Variants in SCCPDH observed in about 807,000 individuals in gnomAD.
The protein encoded by SCCPDH is saccharopine dehydrogenase-like oxidoreductase.
In SCCPDH, 34 loss-of-function variants were observed where a neutral mutation model predicts 51.5. That is an observed-to-expected ratio of 0.66 (90% CI 0.50 to 0.88). The LOEUF is 0.88. Among genes scored for constraint, SCCPDH ranks in the 40% least tolerant of loss-of-function variants. The pLI is 0.00. For synonymous variants in SCCPDH, 187 were observed against 191.3 expected (o/e 0.98, Z 0.19); for missense variants, 464 against 527.1 (o/e 0.88, Z 1.17).
In SCCPDH at chr1:246,766,105, A is replaced by C. The variant is rs1669083841; in HGVS notation, c.1150A>C (p.Thr384Pro). 1 of 1,613,434 alleles carries C rather than the reference A, an allele frequency of 6.2e-7. No individual in the cohort carries two copies. Among genetic ancestry groups the C allele is most frequent in the South Asian group, 1.1e-5 (1 of 90,998 alleles). Residue 384 changes from threonine (T) to proline (P), a missense_variant, in exon 11 of 12, where the codon ACT becomes CCT. Transcript: ENST00000366510. ...CATAGCTATGGTTCAGGCAGCCATG[A>C]CTCTTCTAAGTGATGCTTCTCATCT... is the stretch of plus-strand genomic sequence containing the variant. Reference protein sequence around the residue: ...TPIAMVQAAMTLLSDASHLPK... With the variant: ...TPIAMVQAAMPLLSDASHLPK...
At chr1:246,728,809 A>G (rs1668440728) in intron 2 of SCCPDH, among the ~76,000 whole-genome samples, 1 of 152,202 alleles carries the variant, frequency 6.6e-6, no homozygotes, top group Non-Finnish European at 1.5e-5. Flanking sequence ...AGTCTGCCAT[A>G]TCTCTTGTTA....
chr1:246,730,787 G>A (rs373046901), intron 2 of SCCPDH, among the ~76,000 whole-genome samples: 18 of 152,312 alleles, frequency 1.2e-4, no homozygotes, highest in Admixed American at 2.6e-4. Flanking sequence ...GGCCAGGCGC[G>A]GTGGGTCATG....
chr1:246,746,817 G>C (rs1668768535), intron 5 of SCCPDH, among the ~76,000 whole-genome samples: 1 of 152,216 alleles, frequency 6.6e-6, no homozygotes, highest in African/African-American at 2.4e-5. Context: ...CCCCTGCCTG[G>C]GTAACAGAGC....
At chr1:246,765,779 C>G (rs1669079242) in intron 10 of SCCPDH, among the ~76,000 whole-genome samples, 1 of 152,158 alleles carries the variant, frequency 6.6e-6, no homozygotes, top group African/African-American at 2.4e-5. Flanking sequence ...TTAGTTTGGA[C>G]AAGTCACTTA....
At chr1:246,736,189 G>C in intron 3 of SCCPDH, 134 bp downstream of exon 3, 1 of 625,002 alleles carries the variant, frequency 1.6e-6, no homozygotes, top group South Asian at 1.9e-5. Flanking sequence ...TATGGTATTC[G>C]TGTGGTATTC....
At chr1:246,731,117 G>A (rs2102980358) in intron 2 of SCCPDH, among the ~76,000 whole-genome samples, 1 of 152,258 alleles carries the variant, frequency 6.6e-6, no homozygotes, top group African/African-American at 2.4e-5. Flanking sequence ...TCTGACCTTT[G>A]AGCCAATTGG....
rs55967136 is a variant in SCCPDH at position 246,738,777 on chromosome 1, C to T, written c.385-1395C>T. On this transcript the variant is annotated intron_variant, in intron 3 of 11. Coordinates refer to ENST00000366510, the MANE Select transcript of SCCPDH (RefSeq NM_016002.3). ...CTGAGGCAGCAGAATCGCTTGAACC[C>T]GCGAGGTGGAGGTTGCAGTGAGCCG... Among the ~76,000 whole-genome samples, 430 of 152,150 alleles carry T rather than the reference C, an allele frequency of 2.8e-3. 1 individual carries two copies. The highest frequency in any genetic ancestry group is 9.7e-3 in the African/African-American group (403 of 41,516).
chr1:246,727,676 G>C (rs896311689), intron 2 of SCCPDH, among the ~76,000 whole-genome samples: 1 of 152,194 alleles, frequency 6.6e-6, no homozygotes, highest in Non-Finnish European at 1.5e-5. Flanking sequence ...GCCAAGATCT[G>C]AATGAAATGA....
intron 3 of SCCPDH, among the ~76,000 whole-genome samples, chr1:246,737,974 T>C (rs1351346832): frequency 2.0e-5 from 3 of 151,958 alleles, no homozygotes; most frequent in Non-Finnish European, 4.4e-5. Context: ...AGTGGGTGGA[T>C]CACTTGAGGC....
chr1:246,750,973 G>A (rs544974737), intron 5 of SCCPDH, among the ~76,000 whole-genome samples: 19 of 152,348 alleles, frequency 1.2e-4, no homozygotes, highest in Non-Finnish European at 2.2e-4. Context: ...TGAGGACTGC[G>A]TCACACATGG....
intron 5 of SCCPDH, among the ~76,000 whole-genome samples, chr1:246,749,093 C>G (rs1267877409): frequency 6.6e-6 from 1 of 152,172 alleles, no homozygotes; most frequent in African/African-American, 2.4e-5. Context: ...CAGGGAACAG[C>G]AGTGAAAGAG....
intron 5 of SCCPDH, among the ~76,000 whole-genome samples, chr1:246,754,688 C>T (rs1668904043): frequency 6.6e-6 from 1 of 152,230 alleles, no homozygotes. Context: ...ATCCACTGAG[C>T]AGACATGTGT....
At chr1:246,766,924 C>T (rs1020209960) in intron 11 of SCCPDH, among the ~76,000 whole-genome samples, 6 of 152,142 alleles carry the variant, frequency 3.9e-5, no homozygotes, top group South Asian at 2.1e-4. Flanking sequence ...GGGGTGATGG[C>T]GCACAGTGCA....
intron 4 of SCCPDH, among the ~76,000 whole-genome samples, chr1:246,742,573 T>A (rs1362366323): frequency 1.3e-5 from 2 of 152,226 alleles, no homozygotes; most frequent in Non-Finnish European, 2.9e-5. Context: ...TAGTGAGTTA[T>A]ACGTTAATGA....
chr1:246,747,493 C>A (rs1349688867), intron 5 of SCCPDH, among the ~76,000 whole-genome samples: 1 of 152,180 alleles, frequency 6.6e-6, no homozygotes, highest in Non-Finnish European at 1.5e-5. Flanking sequence ...TGAGACCAGC[C>A]TGGCTGTTAG....
intron 11 of SCCPDH, 21 bp from the exon 12 acceptor site, chr1:246,767,174 T>C (rs1420855456): frequency 1.9e-6 from 3 of 1,567,342 alleles, no homozygotes; most frequent in African/African-American, 1.4e-5. Context: ...TGCACTGTTT[T>C]CTCTTGTTAT....
intron 5 of SCCPDH, among the ~76,000 whole-genome samples, chr1:246,746,221 A>G (rs1434884655): frequency 6.6e-6 from 1 of 151,816 alleles, no homozygotes; most frequent in Non-Finnish European, 1.5e-5. Context: ...TGTCCCTTTT[A>G]AGGGCTTACA....
At chr1:246,742,867 T>G (rs1022294832) in intron 4 of SCCPDH, among the ~76,000 whole-genome samples, 3 of 152,226 alleles carry the variant, frequency 2.0e-5, no homozygotes, top group African/African-American at 7.2e-5. Flanking sequence ...ACTTAACCAC[T>G]ATGCCTGTAT....
Position 246,740,252 on chromosome 1 carries a change from C to A in SCCPDH, c.465C>A (p.Asp155Glu), listed in dbSNP as rs867163938. The change falls in exon 4 of 12, where the codon GAC becomes GAA. Residue 155 changes from aspartate to glutamate, a missense_variant. Physicochemically the swap from Asp to Glu is conservative, Grantham distance 45 (BLOSUM62 2). Transcript: ENST00000366510. ...GVYIIGSSGF[D>E]SIPADLGVIY... ...ATATCATTGGAAGCAGCGGCTTTGA[C>A]TCCATTCCAGCAGATCTGGGAGTAA... 9.9e-6 allele frequency: 16 copies of A among 1,610,238 alleles called. No homozygotes were observed. In the African/African-American group the frequency reaches 1.7e-4, roughly 17 times the overall value.
Sources: allele counts gnomAD v4.1 joint callset (sites outside exome capture counted in the v4.1 genomes callset), GRCh38; gene constraint gnomAD v4.1.1; transcripts MANE v1.5; gene names NCBI Gene and HGNC (gene_info 2026-07-23, HGNC 2026-07-21).